The following HSD17B4 variants were observed in gnomAD, a reference collection of about 807,000 sequenced individuals.
HSD17B4 encodes hydroxysteroid 17-beta dehydrogenase 4.
HSD17B4 carries 70 observed loss-of-function variants against 101.0 expected under a neutral mutation model. That is an observed-to-expected ratio of 0.69 (90% CI 0.57 to 0.85). HSD17B4 has a LOEUF of 0.85. HSD17B4 is among the 40% of genes least tolerant of loss of function. The probability of loss-of-function intolerance (pLI) is 0.00; values close to 1 mark genes in which losing one functional copy is unlikely to be tolerated. For missense variants in HSD17B4, 984 were observed against 892.4 expected (o/e 1.10, Z -1.31); for synonymous variants, 347 against 297.1 (o/e 1.17, Z -1.73).
At chr5:119,514,052 C>A (rs990620274) in intron 16 of HSD17B4, among the ~76,000 whole-genome samples, 11 of 152,098 alleles carry the variant, frequency 7.2e-5, no homozygotes, top group Non-Finnish European at 1.5e-4. Context: ...TCCTCCAAAA[C>A]CTAGTAGAAT....
chr5:119,503,329 A>G lies in HSD17B4; in HGVS notation c.1261+1237A>G, dbSNP rs114529531. Among the ~76,000 whole-genome samples the G allele has an allele frequency of 5.4e-3, 819 of 152,276 alleles. 12 individuals carry two copies. Among genetic ancestry groups the G allele is most frequent in the Non-Finnish European group, 6.7e-3 (456 of 68,012 alleles). ...TACTCCAGAGTGATGATAACTGAAC[A>G]GTGATGTGAATAGGAAGGTGTAGAG... On this transcript the variant is annotated intron_variant, in intron 14 of 23. Transcript: ENST00000510025.
chr5:119,527,386 A>T (rs1047497736), intron 20 of HSD17B4, among the ~76,000 whole-genome samples, 167 bp downstream of exon 20: 1 of 152,066 alleles, frequency 6.6e-6, no homozygotes. Context: ...TTTATTTATC[A>T]GGCAACACTT....
At chr5:119,453,652 T>C (rs1488896171) in intron 1 of HSD17B4, among the ~76,000 whole-genome samples, 1 of 152,248 alleles carries the variant, frequency 6.6e-6, no homozygotes, top group Non-Finnish European at 1.5e-5. Context: ...AATTAATTCC[T>C]ATGTACTTTC....
chr5:119,534,706 G>C (rs1202946493), intron 22 of HSD17B4, among the ~76,000 whole-genome samples: 3 of 152,022 alleles, frequency 2.0e-5, no homozygotes, highest in Non-Finnish European at 4.4e-5. Context: ...TTATAGAAAA[G>C]TCTTGAAAGA....
At chr5:119,530,864 C>A (rs2404780) in intron 21 of HSD17B4, among the ~76,000 whole-genome samples, 37,066 of 98,106 alleles carry the variant, frequency 0.38, 6,792 homozygotes, top group East Asian at 0.61. Context: ...AAAAAAAAAA[C>A]AAAAAACAAA....
At chr5:119,537,080 T>A (rs1754604313) in intron 23 of HSD17B4, among the ~76,000 whole-genome samples, 2 of 152,028 alleles carry the variant, frequency 1.3e-5, no homozygotes, top group Admixed American at 6.6e-5. Context: ...AGGAGAAAAA[T>A]TTGTTATTTT....
At chr5:119,465,285 G>A (rs960255127) in intron 2 of HSD17B4, among the ~76,000 whole-genome samples, 10 of 152,144 alleles carry the variant, frequency 6.6e-5, no homozygotes, top group African/African-American at 2.2e-4. Flanking sequence ...TTTGGTATTG[G>A]TTTATATGGT....
intron 17 of HSD17B4, among the ~76,000 whole-genome samples, chr5:119,523,387 A>G (rs1040704568): frequency 6.6e-6 from 1 of 152,122 alleles, no homozygotes; most frequent in South Asian, 2.1e-4. Context: ...GAAACAAGAA[A>G]CTTTTAGCTT....
At chr5:119,511,131 A>T (rs986613929) in intron 16 of HSD17B4, among the ~76,000 whole-genome samples, 1 of 152,324 alleles carries the variant, frequency 6.6e-6, no homozygotes, top group South Asian at 2.1e-4. Flanking sequence ...TTTGGAAAGA[A>T]GTATGTCACT....
At chr5:119,455,652 G>A (rs575330232) in intron 1 of HSD17B4, among the ~76,000 whole-genome samples, 3 of 149,210 alleles carry the variant, frequency 2.0e-5, no homozygotes, top group Admixed American at 1.3e-4. Flanking sequence ...TTCTGTATTT[G>A]ATGACTGTGT....
At chr5:119,514,939 T>A in intron 16 of HSD17B4, 42 bp from the exon 17 acceptor site, 1 of 1,073,834 alleles carries the variant, frequency 9.3e-7, no homozygotes, top group Non-Finnish European at 1.5e-6. Context: ...AGAATAATGA[T>A]AATTTGTATT....
intron 2 of HSD17B4, among the ~76,000 whole-genome samples, chr5:119,459,170 T>C (rs931609476): frequency 1.3e-5 from 2 of 152,246 alleles, no homozygotes; most frequent in East Asian, 3.8e-4. Flanking sequence ...TCTTGACAGC[T>C]GGAAGGTGAA....
chr5:119,477,662 G>T, intron 7 of HSD17B4, 161 bp downstream of exon 7: 3 of 641,012 alleles, frequency 4.7e-6, no homozygotes, highest in Non-Finnish European at 5.8e-6. Context: ...TCATTAAATT[G>T]GTATAATTTA....
intron 17 of HSD17B4, among the ~76,000 whole-genome samples, chr5:119,519,845 A>G (rs1752958058): frequency 6.6e-6 from 1 of 152,182 alleles, no homozygotes; most frequent in Admixed American, 6.5e-5. Context: ...TTCTGCTTCT[A>G]CTAAACGATC....
At chr5:119,506,074 T>G (rs1751622864) in intron 14 of HSD17B4, among the ~76,000 whole-genome samples, 2 of 152,202 alleles carry the variant, frequency 1.3e-5, no homozygotes, top group African/African-American at 4.8e-5. Flanking sequence ...TGTGCAGTTT[T>G]GTTACATAGG....
At position 119,515,009 on chromosome 5, in the gene HSD17B4, C is replaced by T. The variant is rs1338324022; in HGVS notation, c.1466C>T (p.Pro489Leu). The part of the protein sequence containing the change: ...KVAVAIPNRP[P>L]DAVLTDTTSL... ...GCTGTAGCCATACCTAATAGACCTCCTGATGCTGTACTTACAGATACCACC... is the reference window on the plus strand; with the variant it reads ...GCTGTAGCCATACCTAATAGACCTCTTGATGCTGTACTTACAGATACCACC... The change falls in exon 17 of 24, where the codon CCT (proline) becomes CTT (leucine). Residue 489 changes from proline (P) to leucine (L), a missense_variant. By Grantham distance (98) the Pro-to-Leu change is moderately conservative (BLOSUM62 -3). Transcript: ENST00000510025. The T allele has an allele frequency of 5.7e-6, 9 of 1,584,824 alleles. No individual in the cohort carries two copies. The highest frequency in any genetic ancestry group is 7.8e-6 in the Non-Finnish European group (9 of 1,153,592).
At chr5:119,478,234 T>C (rs1748778007) in intron 7 of HSD17B4, 1 of 154,848 alleles carries the variant, frequency 6.5e-6, no homozygotes, top group Non-Finnish European at 1.4e-5. Flanking sequence ...TAGTATGCTT[T>C]AGTCCATGTC....
intron 13 of HSD17B4, 126 bp from the exon 14 acceptor site, chr5:119,501,915 A>G: frequency 1.5e-6 from 1 of 685,854 alleles, no homozygotes; most frequent in Non-Finnish European, 2.7e-6. Flanking sequence ...CCAAACAGAG[A>G]TAGATAACTT....
intron 9 of HSD17B4, among the ~76,000 whole-genome samples, chr5:119,489,926 A>G (rs1222051028): frequency 6.6e-6 from 1 of 152,104 alleles, no homozygotes; most frequent in Non-Finnish European, 1.5e-5. Flanking sequence ...TCACTCTTTG[A>G]TGAAAGTTCT....
Sources: gnomAD v4.1 joint callset for allele counts (sites outside exome capture counted in the v4.1 genomes callset) on GRCh38, gnomAD v4.1.1 for gene constraint, MANE v1.5 for transcripts, NCBI Gene and HGNC (gene_info 2026-07-23, HGNC 2026-07-21) for gene names.